ST3GAL1: variants seen among roughly 807,000 people sequenced by gnomAD.
The protein encoded by ST3GAL1 is ST3 beta-galactoside alpha-2,3-sialyltransferase 1, also known as CMP-N-acetylneuraminate-beta-galactosamide-alpha-2,3-sialyltransferase 1.
In ST3GAL1, 16 loss-of-function variants were observed where a neutral mutation model predicts 34.1. The observed-to-expected ratio is 0.47, with a 90% CI of 0.32 to 0.71. ST3GAL1 has a LOEUF of 0.71. Among genes scored for constraint, ST3GAL1 ranks in the 30% least tolerant of loss-of-function variants. The pLI is 0.04. For synonymous variants in ST3GAL1, 191 were observed against 184.7 expected (o/e 1.03, Z -0.28); for missense variants, 353 against 447.4 (o/e 0.79, Z 1.90).
intron 7 of ST3GAL1, among the ~76,000 whole-genome samples, chr8:133,463,900 G>T (rs536290213): frequency 1.1e-4 from 17 of 152,282 alleles, no homozygotes; most frequent in African/African-American, 3.9e-4. Flanking sequence ...GGTCCCACGG[G>T]TGTGATTCCT....
intron 2 of ST3GAL1, among the ~76,000 whole-genome samples, chr8:133,541,727 A>G (rs557801139): frequency 6.6e-6 from 1 of 152,282 alleles, no homozygotes; most frequent in Admixed American, 6.5e-5. Flanking sequence ...TGCTTGCTAT[A>G]AGCTTGCTGC....
chr8:133,540,822 T>TATAGAG (rs1818458266), intron 2 of ST3GAL1, among the ~76,000 whole-genome samples: 1 of 76,874 alleles, frequency 1.3e-5, no homozygotes, highest in African/African-American at 4.6e-5. Context: ...CATATATATA[T>TATAGAG]AGACATATAT....
intron 2 of ST3GAL1, among the ~76,000 whole-genome samples, chr8:133,531,229 C>T (rs1477518010): frequency 6.6e-6 from 1 of 151,886 alleles, no homozygotes; most frequent in Non-Finnish European, 1.5e-5. Context: ...ATATATATAG[C>T]ATAAATATAC....
chr8:133,525,813 T>G (rs1463033236), intron 2 of ST3GAL1, among the ~76,000 whole-genome samples: 1 of 151,866 alleles, frequency 6.6e-6, no homozygotes, highest in Admixed American at 6.6e-5. Context: ...AAAATCAGAG[T>G]GGACACTGGG....
At chr8:133,465,328 G>C (rs988019767) in intron 6 of ST3GAL1, among the ~76,000 whole-genome samples, 3 of 152,088 alleles carry the variant, frequency 2.0e-5, no homozygotes, top group African/African-American at 7.2e-5. Context: ...CAGGTAAGTG[G>C]TCTAAGGACT....
rs1194452781 is a variant in ST3GAL1, at chr8:133,463,427, A to T, written c.716T>A (p.Val239Glu). 2 of 1,613,664 alleles carry T rather than the reference A, an allele frequency of 1.2e-6. No individual in the cohort carries two copies. Among genetic ancestry groups the T allele is most frequent in the African/African-American group, 2.7e-5 (2 of 74,844 alleles). The change falls in exon 8 of 10, where the codon GTG becomes GAG. Residue 239 changes from valine (V) to glutamate (E), a missense_variant. By Grantham distance (121) the Val-to-Glu change is moderately radical. Coordinates refer to ENST00000522652, the MANE Select transcript of ST3GAL1 (RefSeq NM_173344.3). ...GCCTCCACTCACCTTATCCTGTTTC[A>T]CTCTGATCTTTGCAGGAACCGGGAT... ...TYIPVPAKIR[V>E]KQDKILIYHP...
At chr8:133,500,730 A>G (rs376337047) in intron 2 of ST3GAL1, among the ~76,000 whole-genome samples, 5 of 152,320 alleles carry the variant, frequency 3.3e-5, no homozygotes, top group East Asian at 3.9e-4. Flanking sequence ...AATGAATATG[A>G]AGTGCGTAAA....
chr8:133,496,174 C>A (rs1455308555), intron 3 of ST3GAL1, among the ~76,000 whole-genome samples: 1 of 152,076 alleles, frequency 6.6e-6, no homozygotes, highest in Non-Finnish European at 1.5e-5. Context: ...AGCTTACAGG[C>A]CAGAAATCAG....
intron 1 of ST3GAL1, among the ~76,000 whole-genome samples, chr8:133,564,128 A>T (rs2131114380): frequency 6.6e-6 from 1 of 152,340 alleles, no homozygotes; most frequent in Middle Eastern, 3.4e-3. Flanking sequence ...GCCATCGACA[A>T]AACTAAGTTG....
intron 2 of ST3GAL1, among the ~76,000 whole-genome samples, chr8:133,540,796 C>CATAT (rs1325951052): frequency 1.6e-4 from 19 of 117,028 alleles, no homozygotes; most frequent in African/African-American, 4.2e-4. Context: ...TATATATAGA[C>CATAT]ATATATATAG....
rs1156544603 is a variant in ST3GAL1 at position 133,463,148 on chromosome 8, G to T, written c.729+266C>A. ...AAAACCAGAATGCGGGGCAGCCAGG[G>T]TTTCTGATTCAGTAGGTTCGAGATG... On this transcript the variant is annotated intron_variant, in intron 8 of 9. Coordinates refer to ENST00000522652, the MANE Select transcript of ST3GAL1 (RefSeq NM_173344.3). 2.6e-5 allele frequency among the ~76,000 whole-genome samples: 4 copies of T among 152,356 alleles called. No individual in the cohort carries two copies. In the South Asian group the frequency reaches 8.3e-4, roughly 32 times the overall value.
At chr8:133,519,366 A>G (rs773691553) in intron 2 of ST3GAL1, among the ~76,000 whole-genome samples, 1 of 152,156 alleles carries the variant, frequency 6.6e-6, no homozygotes, top group Non-Finnish European at 1.5e-5. Flanking sequence ...ACCTGGAGGT[A>G]CAGAGGCAGG....
In ST3GAL1 at chr8:133,459,631, G is replaced by T; in HGVS notation, c.*133C>A. On this transcript the variant is annotated 3_prime_UTR_variant, in exon 10 of 10. Transcript: ENST00000522652. This position sits in a 1 kb window ranked among gnomAD's most constrained non-coding sequence, Gnocchi z 4.7. ...AGATGCTGCCAACGGCTGGGTGCAA[G>T]AGGCTGTGAGCGGTGCCCAGGCACA... The T allele has an allele frequency of 1.7e-6, 2 of 1,177,538 alleles. No individual in the cohort carries two copies. The highest frequency in any genetic ancestry group is 2.3e-6 in the Non-Finnish European group (2 of 855,972). The allele number at this position is 1,177,538 out of a possible 1,614,324, so 72.9% of individuals were successfully genotyped here.
intron 1 of ST3GAL1, among the ~76,000 whole-genome samples, chr8:133,551,614 GA>G (rs1399704277): frequency 7.0e-6 from 1 of 142,300 alleles, no homozygotes; most frequent in East Asian, 2.1e-4. Flanking sequence ...AAGAAAGAAA[GA>G]AAGAGCGAGC....
chr8:133,546,989 C>A (rs575967372), intron 1 of ST3GAL1, among the ~76,000 whole-genome samples: 12 of 144,912 alleles, frequency 8.3e-5, no homozygotes. Flanking sequence ...TGGGCGACAG[C>A]GAGACTCCAT....
intron 5 of ST3GAL1, among the ~76,000 whole-genome samples, chr8:133,471,935 C>T (rs748956627): frequency 6.6e-5 from 10 of 151,988 alleles, no homozygotes; most frequent in South Asian, 2.1e-4. Flanking sequence ...ATGTCCCCTG[C>T]GTATCACAAA....
chr8:133,519,582 T>C (rs1229135089), intron 2 of ST3GAL1, among the ~76,000 whole-genome samples: 1 of 152,182 alleles, frequency 6.6e-6, no homozygotes, highest in African/African-American at 2.4e-5. Flanking sequence ...GGGATGACAG[T>C]AGTCACCTTA....
At chr8:133,561,737 C>T (rs908409851) in intron 1 of ST3GAL1, among the ~76,000 whole-genome samples, 17 of 152,044 alleles carry the variant, frequency 1.1e-4, no homozygotes, top group South Asian at 2.1e-4. Flanking sequence ...GGGAATGAAG[C>T]GAGGTAGCTC....
At chr8:133,531,239 C>T (rs1818142774) in intron 2 of ST3GAL1, among the ~76,000 whole-genome samples, 1 of 152,026 alleles carries the variant, frequency 6.6e-6, no homozygotes. Flanking sequence ...CATAAATATA[C>T]ATGACTATAT....
Sources: gnomAD v4.1 joint callset for allele counts (sites outside exome capture counted in the v4.1 genomes callset) on GRCh38, gnomAD v4.1.1 for gene constraint, Gnocchi (gnomAD v3.1) non-coding constraint, MANE v1.5 for transcripts, NCBI Gene and HGNC (gene_info 2026-07-23, HGNC 2026-07-21) for gene names.